SDK1: variants seen among roughly 807,000 people sequenced by gnomAD.
The protein encoded by SDK1 is protein sidekick-1.
Under a neutral mutation model 245.5 loss-of-function variants are expected in SDK1, and 157 were observed. The ratio of observed to expected loss-of-function variants is 0.64; its 90% CI spans 0.56 to 0.73. The LOEUF is 0.73. SDK1 is among the 30% of genes least tolerant of loss of function. The pLI, the probability that SDK1 is intolerant of heterozygous loss-of-function variation, is 0.00. For missense variants in SDK1, 3,583 were observed against 3,002.3 expected (o/e 1.19, Z -4.52); for synonymous variants, 1,647 against 1,278.5 (o/e 1.29, Z -6.15).
chr7:3,479,528 A>T (rs113170375), intron 1 of SDK1, among the ~76,000 whole-genome samples: 1 of 151,378 alleles, frequency 6.6e-6, no homozygotes, highest in Non-Finnish European at 1.5e-5. Flanking sequence ...ATATTTAATG[A>T]TTGTTTTTGC....
intron 1 of SDK1, among the ~76,000 whole-genome samples, chr7:3,405,814 C>CTTTTTT (rs534692477): frequency 5.6e-5 from 7 of 125,392 alleles, no homozygotes; most frequent in East Asian, 2.2e-4. Flanking sequence ...TTCTTTCTTT[C>CTTTTTT]TTTTTTTTTT....
intron 35 of SDK1, among the ~76,000 whole-genome samples, chr7:4,194,374 A>ACG (rs1783447052): frequency 1.5e-4 from 15 of 101,682 alleles, no homozygotes; most frequent in Admixed American, 1.1e-3. Flanking sequence ...ATGTGTATAC[A>ACG]TGTATGTGTA....
At chr7:3,310,118 G>A (rs1779515907) in intron 1 of SDK1, among the ~76,000 whole-genome samples, 1 of 152,158 alleles carries the variant, frequency 6.6e-6, no homozygotes, top group African/African-American at 2.4e-5. Flanking sequence ...TTGCTTCTGT[G>A]TCTGTGCTGG....
At chr7:3,766,627 A>G (rs529582399) in intron 4 of SDK1, among the ~76,000 whole-genome samples, 1 of 152,210 alleles carries the variant, frequency 6.6e-6, no homozygotes, top group Non-Finnish European at 1.5e-5. Flanking sequence ...TAGTAAGGAC[A>G]TGCAAGATCT....
intron 1 of SDK1, among the ~76,000 whole-genome samples, chr7:3,470,447 A>G (rs1781146714): frequency 6.6e-6 from 1 of 152,200 alleles, no homozygotes; most frequent in Non-Finnish European, 1.5e-5. Context: ...TTAATTTTTG[A>G]TACACTATTT....
At chr7:3,703,923 A>G (rs10256504) in intron 4 of SDK1, among the ~76,000 whole-genome samples, 18,426 of 152,140 alleles carry the variant, frequency 0.12, 1,275 homozygotes, top group Middle Eastern at 0.22. Flanking sequence ...TTTTATTTCA[A>G]TAACTTTTGG....
At chr7:3,529,810 A>C (rs549520685) in intron 1 of SDK1, among the ~76,000 whole-genome samples, 2 of 152,316 alleles carry the variant, frequency 1.3e-5, no homozygotes, top group East Asian at 3.9e-4. Context: ...CTATGCTCAC[A>C]TCACGTGCCT....
At chr7:3,715,518 T>G (rs931574931) in intron 4 of SDK1, among the ~76,000 whole-genome samples, 1 of 152,016 alleles carries the variant, frequency 6.6e-6, no homozygotes, top group Non-Finnish European at 1.5e-5. Flanking sequence ...GGGAAGTGCG[T>G]TCTGTCCCAC....
At chr7:3,332,943 G>T (rs1360397213) in intron 1 of SDK1, among the ~76,000 whole-genome samples, 1 of 152,172 alleles carries the variant, frequency 6.6e-6, no homozygotes, top group Non-Finnish European at 1.5e-5. Flanking sequence ...AGAATTGAAG[G>T]CTAAGTTGAG....
chr7:4,055,396 T>G (rs1029633531), intron 19 of SDK1, among the ~76,000 whole-genome samples: 1 of 152,184 alleles, frequency 6.6e-6, no homozygotes, highest in Non-Finnish European at 1.5e-5. Context: ...AGCACCACCT[T>G]CTTATTGGTT....
intron 5 of SDK1, among the ~76,000 whole-genome samples, chr7:3,945,918 A>AAG (rs1780558644): frequency 6.8e-6 from 1 of 146,114 alleles, no homozygotes; most frequent in African/African-American, 2.5e-5. Flanking sequence ...AAAAAAAAAA[A>AAG]AAAAAAAAAA....
chr7:3,431,974 T>TAC (rs1779859955), intron 1 of SDK1, among the ~76,000 whole-genome samples: 1 of 151,998 alleles, frequency 6.6e-6, no homozygotes, highest in South Asian at 2.1e-4. Flanking sequence ...TAACAAATGT[T>TAC]AAATTATACA....
intron 1 of SDK1, among the ~76,000 whole-genome samples, chr7:3,586,274 G>C (rs1019065821): frequency 6.6e-6 from 1 of 152,026 alleles, no homozygotes; most frequent in Non-Finnish European, 1.5e-5. Context: ...ATAGACCTCC[G>C]AAAGAGCCCG....
chr7:4,178,970 C>T (rs755151867), intron 35 of SDK1, among the ~76,000 whole-genome samples: 1 of 152,200 alleles, frequency 6.6e-6, no homozygotes, highest in Non-Finnish European at 1.5e-5. Context: ...CAGTGGGCTT[C>T]GGCAGTGGCC....
At chr7:4,080,724 G>A (rs962461511) in intron 22 of SDK1, among the ~76,000 whole-genome samples, 1 of 152,070 alleles carries the variant, frequency 6.6e-6, no homozygotes, top group Admixed American at 6.5e-5. Context: ...GAGGGGGTGG[G>A]GAGGGATAGC....
rs148552109 is a variant in SDK1, at chr7:3,956,069, G to A, written c.1151-2862G>A. Reference sequence around the variant, plus strand: ...ATGTCTTCATATTGTTTCAAAAGAGGGAGAAGTGTTTGTTTCCATCCCCTG... The same window carrying A: ...ATGTCTTCATATTGTTTCAAAAGAGAGAGAAGTGTTTGTTTCCATCCCCTG... On this transcript the variant is annotated intron_variant, in intron 7 of 44. Coordinates refer to ENST00000404826, the MANE Select transcript of SDK1 (RefSeq NM_152744.4). Among the ~76,000 whole-genome samples, 28 of 152,264 alleles carry A rather than the reference G, an allele frequency of 1.8e-4. No homozygotes were observed. In the East Asian group the frequency reaches 4.5e-3, roughly 24 times the overall value.
At chr7:3,530,715 G>A (rs1783315633) in intron 1 of SDK1, among the ~76,000 whole-genome samples, 1 of 152,118 alleles carries the variant, frequency 6.6e-6, no homozygotes, top group South Asian at 2.1e-4. Context: ...ACATAAATAA[G>A]GAAAATGTAG....
chr7:4,081,536 T>G (rs899723662), intron 22 of SDK1, among the ~76,000 whole-genome samples: 4 of 151,358 alleles, frequency 2.6e-5, no homozygotes, highest in African/African-American at 9.8e-5. Context: ...TCCCCCTGCC[T>G]CAGCCTCCCG....
chr7:3,962,608 C>CA, intron 8 of SDK1, 49 bp from the exon 9 acceptor site: 2 of 1,446,676 alleles, frequency 1.4e-6, no homozygotes, highest in Non-Finnish European at 1.9e-6. Context: ...CTTCAGTTCT[C>CA]ACGTCAGGAA....
Sources: gnomAD v4.1 joint callset for allele counts (sites outside exome capture counted in the v4.1 genomes callset) on GRCh38, gnomAD v4.1.1 for gene constraint, MANE v1.5 for transcripts, NCBI Gene and HGNC (gene_info 2026-07-23, HGNC 2026-07-21) for gene names.